The following VPS13B variants were observed in gnomAD, a reference collection of about 807,000 sequenced individuals.
VPS13B encodes the protein intermembrane lipid transfer protein VPS13B.
VPS13B carries 285 observed loss-of-function variants against 426.4 expected under a neutral mutation model. That is an observed-to-expected ratio of 0.67 (90% CI 0.61 to 0.74). The LOEUF (loss-of-function observed/expected upper bound fraction) is 0.74. Among genes scored for constraint, VPS13B ranks in the 30% least tolerant of loss-of-function variants. VPS13B has a pLI of 0.00. For synonymous variants in VPS13B, 1,676 were observed against 1,676.4 expected (o/e 1.00, Z 0.01); for missense variants, 4,537 against 4,782.6 (o/e 0.95, Z 1.51).
chr8:99,328,160 A>G (rs1810378322), intron 19 of VPS13B, among the ~76,000 whole-genome samples: 1 of 152,162 alleles, frequency 6.6e-6, no homozygotes, highest in Non-Finnish European at 1.5e-5. Flanking sequence ...TGAACTGTGC[A>G]TGCAAGGGAT....
chr8:99,065,776 T>C (rs1199694697), intron 3 of VPS13B, among the ~76,000 whole-genome samples: 1 of 152,156 alleles, frequency 6.6e-6, no homozygotes, highest in Non-Finnish European at 1.5e-5. Flanking sequence ...CAGCCCAAAA[T>C]CTCCTTAAGC....
intron 19 of VPS13B, among the ~76,000 whole-genome samples, chr8:99,374,101 G>A (rs968915776): frequency 4.0e-5 from 6 of 151,072 alleles, no homozygotes; most frequent in African/African-American, 1.5e-4. Context: ...TTATTTTCTG[G>A]CCACCATTAT....
chr8:99,760,305 G>C (rs531822439), intron 39 of VPS13B, among the ~76,000 whole-genome samples: 1 of 152,042 alleles, frequency 6.6e-6, no homozygotes, highest in African/African-American at 2.4e-5. Flanking sequence ...TTATTCCGTT[G>C]TCTATAGTAT....
chr8:99,374,904 C>T (rs1242841222), intron 19 of VPS13B, among the ~76,000 whole-genome samples: 1 of 152,166 alleles, frequency 6.6e-6, no homozygotes, highest in Non-Finnish European at 1.5e-5. Flanking sequence ...GGAGGTATCT[C>T]TCTTAGTGCT....
chr8:99,167,630 A>G (rs764633172), intron 15 of VPS13B, among the ~76,000 whole-genome samples: 6 of 152,206 alleles, frequency 3.9e-5, no homozygotes, highest in Admixed American at 1.3e-4. Flanking sequence ...ATCCATTACA[A>G]TTTCTTCTAT....
At chr8:99,859,578 C>G (rs1816726694) in intron 57 of VPS13B, 98 bp downstream of exon 57, 1 of 1,501,962 alleles carries the variant, frequency 6.7e-7, no homozygotes, top group East Asian at 2.4e-5. Context: ...CAGATTGCCT[C>G]TAGCTTTGTT....
At chr8:99,586,025 G>A (rs1826283132) in intron 33 of VPS13B, among the ~76,000 whole-genome samples, 3 of 152,242 alleles carry the variant, frequency 2.0e-5, no homozygotes, top group African/African-American at 4.8e-5. Flanking sequence ...GCCTCCTGCT[G>A]CCCTCTGTGA....
intron 3 of VPS13B, among the ~76,000 whole-genome samples, chr8:99,076,900 ATTG>A (rs1418754644): frequency 6.6e-6 from 1 of 151,554 alleles, no homozygotes; most frequent in East Asian, 1.9e-4. Flanking sequence ...CTGTCATTTT[ATTG>A]TTTTCTGGTT....
At chr8:99,071,261 A>G (rs1844835809) in intron 3 of VPS13B, among the ~76,000 whole-genome samples, 1 of 152,038 alleles carries the variant, frequency 6.6e-6, no homozygotes, top group Non-Finnish European at 1.5e-5. Context: ...GTCTAAAGGG[A>G]AGTGAGTGTT....
intron 35 of VPS13B, among the ~76,000 whole-genome samples, chr8:99,681,017 C>A (rs1031382496): frequency 2.6e-5 from 4 of 152,108 alleles, no homozygotes; most frequent in Admixed American, 6.5e-5. Flanking sequence ...AAATACCAGA[C>A]ACTATTTTTG....
At chr8:99,118,426 A>G (rs1250603191) in intron 7 of VPS13B, among the ~76,000 whole-genome samples, 2 of 152,156 alleles carry the variant, frequency 1.3e-5, no homozygotes, top group Admixed American at 1.3e-4. Flanking sequence ...TAAATCTCCA[A>G]AGTAAAATTC....
At chr8:99,577,396 A>G in intron 32 of VPS13B, 94 bp from the exon 33 acceptor site, 1 of 1,565,982 alleles carries the variant, frequency 6.4e-7, no homozygotes, top group Non-Finnish European at 8.8e-7. Flanking sequence ...AGGAAATGTC[A>G]CCAAAGTAGT....
Position 99,809,523 on chromosome 8 carries a change from A to C in VPS13B, c.8090A>C (p.Gln2697Pro). The C allele has an allele frequency of 6.2e-7, 1 of 1,614,008 alleles. No individual in the cohort carries two copies. The highest frequency in any genetic ancestry group is 8.5e-7 in the Non-Finnish European group (1 of 1,179,928). Residue 2697 changes from glutamine to proline, a missense_variant, in exon 44 of 62, where the codon CAA becomes CCA. Gln to Pro is a moderately conservative substitution (Grantham distance 76). Around this residue, in one of 2 missense-constraint regions of VPS13B, gnomAD observed 4,311 missense variants for 4,474.3 expected, o/e 0.96. Coordinates refer to ENST00000357162, the MANE Select transcript of VPS13B (RefSeq NM_152564.5). ...IIKVQQLNGV[Q>P]KQIIICGRQI... ...AAGGTTCAGCAACTCAATGGAGTAC[A>C]AAAACAGGTAAGTTTCTTTGTGTTC...
At chr8:99,537,498 GA>G (rs1228606792) in intron 30 of VPS13B, among the ~76,000 whole-genome samples, 1 of 152,132 alleles carries the variant, frequency 6.6e-6, no homozygotes, top group African/African-American at 2.4e-5. Flanking sequence ...CCTCAAAGAA[GA>G]AATTACATTA....
chr8:99,301,614 C>T (rs912282362), intron 19 of VPS13B, among the ~76,000 whole-genome samples: 11 of 151,434 alleles, frequency 7.3e-5, no homozygotes, highest in South Asian at 2.1e-4. Flanking sequence ...GTTTTATCTT[C>T]GTAGTAACTT....
rs1277606800 is a variant in VPS13B at position 99,667,343 on chromosome 8, C to A, written c.6046+5852C>A. ...TTTTGTTTTTAGTATCAGTCACAGT[C>A]TTTGAGAGCCAAACCACAGATATTT... On this transcript the variant is annotated intron_variant, in intron 35 of 61. Coordinates refer to ENST00000357162, the MANE Select transcript of VPS13B (RefSeq NM_152564.5). Among the ~76,000 whole-genome samples, 3 of 152,056 alleles carry A rather than the reference C, an allele frequency of 2.0e-5. No homozygotes were observed. In the South Asian group the frequency reaches 6.2e-4, roughly 31 times the overall value.
chr8:99,751,422 G>A (rs1810388018), intron 39 of VPS13B, among the ~76,000 whole-genome samples: 1 of 152,072 alleles, frequency 6.6e-6, no homozygotes, highest in Non-Finnish European at 1.5e-5. Context: ...GAAAAGTATG[G>A]AATGAGTACA....
intron 25 of VPS13B, among the ~76,000 whole-genome samples, chr8:99,486,126 G>A (rs1424660245): frequency 6.6e-6 from 1 of 152,102 alleles, no homozygotes; most frequent in Non-Finnish European, 1.5e-5. Flanking sequence ...GAGATTTCAG[G>A]GAACCTTGGG....
intron 19 of VPS13B, among the ~76,000 whole-genome samples, chr8:99,285,777 A>G (rs900869346): frequency 6.6e-6 from 1 of 152,070 alleles, no homozygotes; most frequent in South Asian, 2.1e-4. Flanking sequence ...AATTCACATC[A>G]ATCTTTGCTA....
Sources: gnomAD v4.1 joint callset for allele counts (sites outside exome capture counted in the v4.1 genomes callset) on GRCh38, gnomAD v4.1.1 for gene constraint, gnomAD v4.1.1 regional missense constraint, MANE v1.5 for transcripts, NCBI Gene and HGNC (gene_info 2026-07-23, HGNC 2026-07-21) for gene names.